Variants in RYR1 observed in about 807,000 individuals in gnomAD.
RYR1 encodes the protein ryanodine receptor 1, also known as central core disease of muscle.
Under a neutral mutation model 583.5 loss-of-function variants are expected in RYR1, and 342 were observed. The observed-to-expected ratio is 0.59, with a 90% confidence interval of 0.54 to 0.64. The LOEUF (loss-of-function observed/expected upper bound fraction) is 0.64. Ranked by LOEUF, RYR1 falls within the 30% of genes least tolerant of loss-of-function variation. The pLI is 0.00. For synonymous variants in RYR1, 2,791 were observed against 2,822.5 expected, an observed-to-expected ratio of 0.99 and a Z score of 0.35; for missense variants, 6,032 against 6,917.2, an observed-to-expected ratio of 0.87 and a Z score of 4.54.
Position 38,537,935 on chromosome 19 carries a change from A to G in RYR1, c.11664A>G (p.Gln3888=), listed in dbSNP as rs756002693. ...EFTQDLFRFL[Q]LLCEGHNNDF... Reference sequence around the variant, plus strand: ...CACAAGACCTGTTCCGATTCCTACAATTGCTCTGTGAGGGGCACAATAATG... The same window carrying G: ...CACAAGACCTGTTCCGATTCCTACAGTTGCTCTGTGAGGGGCACAATAATG... Residue 3888 remains glutamine (Q), a synonymous_variant, in exon 84 of 106, where the codon CAA becomes CAG. Transcript: ENST00000359596. The G allele has an allele frequency of 7.8e-6, 11 of 1,413,650 alleles. No individual in the cohort carries two copies. Among genetic ancestry groups the G allele is most frequent in the African/African-American group, 4.4e-5 (3 of 68,790 alleles). 87.6% of individuals were successfully genotyped at this position (1,413,650 alleles called of 1,614,324 possible).
chr19:38,557,733 G>T (rs1021807973), intron 89 of RYR1, among the ~76,000 whole-genome samples: 1 of 152,180 alleles, frequency 6.6e-6, no homozygotes, highest in Admixed American at 6.5e-5. Context: ...GAACCCAGGA[G>T]GGGGAGGTTG....
intron 91 of RYR1, among the ~76,000 whole-genome samples, chr19:38,566,477 A>AAC (rs1196048611): frequency 6.8e-6 from 1 of 146,950 alleles, no homozygotes; most frequent in East Asian, 2.0e-4. Flanking sequence ...AAAAAAAAAA[A>AAC]GGAAAAGAAA....
chr19:38,481,707 G>A (rs1969018503), intron 31 of RYR1, among the ~76,000 whole-genome samples: 6 of 152,082 alleles, frequency 3.9e-5, no homozygotes, highest in Admixed American at 2.6e-4. Flanking sequence ...GATCACCTGA[G>A]TCTGGGAGGC....
At chr19:38,507,234 GGA>G (rs1418476099) in intron 57 of RYR1, among the ~76,000 whole-genome samples, 2 of 151,464 alleles carry the variant, frequency 1.3e-5, no homozygotes, top group East Asian at 3.9e-4. Context: ...AGAGAGTGGA[GGA>G]GACTGAGAGG....
intron 1 of RYR1, among the ~76,000 whole-genome samples, chr19:38,436,907 G>A (rs1229188908): frequency 6.6e-6 from 1 of 152,024 alleles, no homozygotes; most frequent in Admixed American, 6.6e-5. Context: ...TCAAACCCTG[G>A]CCCAAGTTAG....
At chr19:38,497,518 C>A (rs1232473791) in intron 42 of RYR1, among the ~76,000 whole-genome samples, 1 of 152,196 alleles carries the variant, frequency 6.6e-6, no homozygotes, top group Non-Finnish European at 1.5e-5. Flanking sequence ...TGAATGTAGT[C>A]ATAGAAACGA....
intron 84 of RYR1, among the ~76,000 whole-genome samples, chr19:38,542,015 G>A (rs1476593235): frequency 1.3e-5 from 2 of 148,334 alleles, no homozygotes; most frequent in Admixed American, 1.4e-4. Context: ...GCTGCAGTGA[G>A]CTATGATCAT....
intron 16 of RYR1, among the ~76,000 whole-genome samples, chr19:38,456,843 G>T (rs991742205): frequency 6.6e-6 from 1 of 150,932 alleles, no homozygotes; most frequent in East Asian, 2.0e-4. Context: ...TCAGGAGATC[G>T]AGACCATCCT....
rs778392409 is a variant in RYR1 at position 38,573,237 on chromosome 19, C to T, written c.14059C>T (p.Leu4687=). The T allele has an allele frequency of 1.2e-6, 2 of 1,613,886 alleles. No homozygotes were observed. The highest frequency in any genetic ancestry group is 2.7e-5 in the African/African-American group (2 of 74,902). Residue 4687 remains leucine (L), a synonymous_variant, in exon 96 of 106, where the codon CTG becomes TTG. Transcript: ENST00000359596. The part of the protein sequence containing the change: ...ELARKLEFDG[L]YITEQPEDDD... ...GGCCCGGAAGCTGGAGTTTGATGGC[C>T]TGTACATCACGGAGCAGCCTGAGGA... is the stretch of plus-strand genomic sequence containing the variant.
intron 81 of RYR1, 46 bp downstream of exon 81, chr19:38,535,438 C>A: frequency 7.2e-7 from 1 of 1,391,870 alleles, no homozygotes; most frequent in Non-Finnish European, 1.0e-6. Flanking sequence ...TTTGGTGCCA[C>A]TGCCACCCCA....
chr19:38,580,164 C>T, intron 100 of RYR1, 36 bp downstream of exon 100: 1 of 1,613,752 alleles, frequency 6.2e-7, no homozygotes, highest in African/African-American at 1.3e-5. Context: ...CGTGGGCCAG[C>T]AGGGACCAGC....
chr19:38,554,045 C>T (rs1972775835), intron 89 of RYR1, among the ~76,000 whole-genome samples: 1 of 152,172 alleles, frequency 6.6e-6, no homozygotes, highest in African/African-American at 2.4e-5. Flanking sequence ...TGGATAGTTG[C>T]ACCCATTGTG....
intron 99 of RYR1, among the ~76,000 whole-genome samples, chr19:38,579,142 CAGGTGCGGTGG>C (rs1217672930): frequency 6.6e-6 from 1 of 151,618 alleles, no homozygotes; most frequent in East Asian, 2.0e-4. Flanking sequence ...AGAGAGTGGC[CAGGTGCGGTGG>C]CTCAGGCCTG....
In RYR1 at chr19:38,543,400, AT is replaced by A. The variant is rs1195341178; in HGVS notation, c.11744del (p.Ile3915ThrfsTer84). 6.2e-7 allele frequency: 1 copy of A among 1,614,208 alleles called. No individual in the cohort carries two copies. The highest frequency in any genetic ancestry group is 8.5e-7 in the Non-Finnish European group (1 of 1,180,040). ...AGGGAACACGACCACTATTAACATC[AT>A]CATTTGCACTGTGGACTACCTCCTG... is the stretch of plus-strand genomic sequence containing the variant. Reference protein sequence around the residue: ...QTGNTTTINIIICTVDYLLRL... With the variant: ...QTGNTTTINIXICTVDYLLRL... On this transcript the variant is annotated frameshift_variant, in exon 85 of 106. Coordinates refer to ENST00000359596, the MANE Select transcript of RYR1 (RefSeq NM_000540.3). LOFTEE classifies it high-confidence loss of function. The surrounding 1 kb of genome is among the most constrained non-coding windows in gnomAD (Gnocchi z 4.4).
At chr19:38,495,806 T>C (rs1170797071) in intron 39 of RYR1, among the ~76,000 whole-genome samples, 2 of 152,150 alleles carry the variant, frequency 1.3e-5, no homozygotes, top group African/African-American at 4.8e-5. Flanking sequence ...TCTTGCTCTG[T>C]TGCCAAGCCT....
intron 24 of RYR1, 99 bp downstream of exon 24, chr19:38,466,497 A>G (rs1968116207): frequency 2.4e-6 from 2 of 844,620 alleles, no homozygotes; most frequent in African/African-American, 1.8e-5. Context: ...CAAATGGGCT[A>G]TATCTTTTTT....
chr19:38,566,837 A>G, intron 91 of RYR1, 74 bp from the exon 92 acceptor site: 1 of 1,550,428 alleles, frequency 6.4e-7, no homozygotes, highest in South Asian at 1.2e-5. Context: ...GAGAAAGGAG[A>G]TGAGAGGAGC....
In RYR1 at chr19:38,444,130, A is replaced by G. The variant is rs193169917; in HGVS notation, c.425-19A>G. 1.7e-3 allele frequency: 2,739 copies of G among 1,604,706 alleles called. 19 individuals carry two copies. The highest frequency in any genetic ancestry group is 1.3e-3 in the Non-Finnish European group (1,465 of 1,171,530). On this transcript the variant is annotated intron_variant, in intron 5 of 105. Coordinates refer to ENST00000359596, the MANE Select transcript of RYR1 (RefSeq NM_000540.3). This position sits in a 1 kb window ranked among gnomAD's most constrained non-coding sequence, Gnocchi z 5.1. ...AAGCCATCATCTGACAGCCACCCCC[A>G]TTCCATCCCCACCCATAGGAGAGGC...
intron 33 of RYR1, among the ~76,000 whole-genome samples, chr19:38,484,334 C>T (rs545840026): frequency 6.6e-6 from 1 of 152,152 alleles, no homozygotes; most frequent in African/African-American, 2.4e-5. Flanking sequence ...CAGACTCACC[C>T]AGGAGGCTTC....
Sources: gnomAD v4.1 joint callset for allele counts (sites outside exome capture counted in the v4.1 genomes callset) on GRCh38, gnomAD v4.1.1 for gene constraint, Gnocchi (gnomAD v3.1) non-coding constraint, MANE v1.5 for transcripts, NCBI Gene and HGNC (gene_info 2026-07-23, HGNC 2026-07-21) for gene names.